The following CCDC78 variants were observed in gnomAD, a reference collection of about 807,000 sequenced individuals.
The protein encoded by CCDC78 is coiled-coil domain-containing protein 78.
CCDC78 carries 78 observed loss-of-function variants against 61.9 expected under a neutral mutation model. The ratio of observed to expected loss-of-function variants is 1.26; its 90% CI spans 1.05 to 1.52. CCDC78 has a LOEUF of 1.52. Ranked by LOEUF, CCDC78 falls within the 40% of genes most tolerant of loss-of-function variation. The pLI is 0.00. For missense variants in CCDC78, 737 were observed against 615.5 expected (o/e 1.20, Z -2.09); for synonymous variants, 287 against 251.9 (o/e 1.14, Z -1.32).
At chr16:726,451 C>G, upstream of CCDC78, 1 of 1,461,972 alleles carries the variant, frequency 6.8e-7, no homozygotes, top group South Asian at 1.3e-5. Context: ...ACTGGCACTG[C>G]TAAGTGCGTT....
chr16:726,453 A>T, upstream of CCDC78: 1 of 1,457,774 alleles, frequency 6.9e-7, no homozygotes, highest in Non-Finnish European at 9.1e-7. Context: ...TGGCACTGCT[A>T]AGTGCGTTGC....
At position 722,616 on chromosome 16, in the gene CCDC78, TG is replaced by T; in HGVS notation, c.*61del. The T allele has an allele frequency of 3.6e-6, 1 of 281,432 alleles. No individual in the cohort carries two copies. Among genetic ancestry groups the T allele is most frequent in the South Asian group, 2.3e-5 (1 of 43,326 alleles). 17.4% of individuals were successfully genotyped at this position (281,432 alleles called of 1,614,324 possible). A position where few individuals can be genotyped will look rare whatever the true frequency, so the allele number is the denominator to read the frequency against. On this transcript the variant is annotated 3_prime_UTR_variant, in exon 14 of 14. Transcript: ENST00000345165. Reference sequence around the variant, plus strand: ...TCCTGACTCATGTTTTATGGGGGGCTGGGTGGGAGGGTTCTGTGCTGGCTGA... The same window carrying T: ...TCCTGACTCATGTTTTATGGGGGGCTGGTGGGAGGGTTCTGTGCTGGCTGA...
Position 725,237 on chromosome 16 carries a change from G to T in CCDC78, c.492C>A (p.Gly164=). ...CTGAGCTAGGTGGCTGCACACTCAC[G>T]CCGCTCCCCAGCCTGTGCTGCTCAT... is the stretch of plus-strand genomic sequence containing the variant. The part of the protein sequence containing the change: ...PENEQHRLGS[G]LQGEVKWALE... Residue 164 remains glycine, a splice_region_variant and synonymous_variant, in exon 5 of 14, where the codon GGC becomes GGA. Transcript: ENST00000345165. 6.2e-7 allele frequency: 1 copy of T among 1,608,276 alleles called. No homozygotes were observed.
rs77707419 is a variant in CCDC78 at position 724,472 on chromosome 16, G to A, written c.803C>T (p.Thr268Met). Residue 268 changes from threonine (T) to methionine (M), a missense_variant, in exon 9 of 14, where the codon ACG becomes ATG. Transcript: ENST00000345165. The stretch of plus-strand genomic sequence containing the variant: ...CGCCTCCAGGAATGTCCGGAGGGCC[G>A]TGGTGGCTGGCGCTTGGCCTGCACC... Reference protein sequence around the residue: ...ADGAGQAPATTALRTFLEATL... With the variant: ...ADGAGQAPATMALRTFLEATL... 1,436 of 1,601,088 alleles carry A rather than the reference G, an allele frequency of 9.0e-4. 12 individuals carry two copies. The African/African-American group carries it at 0.015, about 17-fold the overall frequency.
In CCDC78 at chr16:724,665, C is replaced by T. The variant is rs375793651; in HGVS notation, c.765+16G>A. 6.2e-7 allele frequency: 1 copy of T among 1,606,966 alleles called. No individual in the cohort carries two copies. The highest frequency in any genetic ancestry group is 8.5e-7 in the Non-Finnish European group (1 of 1,179,198). On this transcript the variant is annotated intron_variant, in intron 8 of 13. Transcript: ENST00000345165. ...CTTGGGCTCCCTAGGCCTCAGGGTGCTCCTGCAGGGCTCACCACTGCCTGC... is the reference window on the plus strand; with the variant it reads ...CTTGGGCTCCCTAGGCCTCAGGGTGTTCCTGCAGGGCTCACCACTGCCTGC...
Position 725,799 on chromosome 16 carries a change from T to C in CCDC78, c.262A>G (p.Ser88Gly). ...QHEAEIFQLK[S>G]EILRLESRVL... ...TGGTTCACACGGCTGCTCACCTCAC[T>C]CTTCAGCTGGAAGATTTCAGCCTCA... The change falls in exon 3 of 14, where the codon AGT (serine) becomes GGT (glycine). Residue 88 changes from serine to glycine, a missense_variant. Coordinates refer to ENST00000345165, the MANE Select transcript of CCDC78 (RefSeq NM_001378030.1). The C allele has an allele frequency of 1.9e-6, 3 of 1,606,772 alleles. No homozygotes were observed. The highest frequency in any genetic ancestry group is 1.7e-6 in the Non-Finnish European group (2 of 1,176,594).
chr16:724,681 C>T lies in CCDC78; in HGVS notation c.765G>A (p.Val255=). The T allele has an allele frequency of 6.2e-7, 1 of 1,609,832 alleles. No individual in the cohort carries two copies. The highest frequency in any genetic ancestry group is 1.1e-5 in the South Asian group (1 of 90,820). Residue 255 remains valine, a splice_region_variant and synonymous_variant, in exon 8 of 14, where the codon GTG becomes GTA. Coordinates refer to ENST00000345165, the MANE Select transcript of CCDC78 (RefSeq NM_001378030.1). ...CTCAGGGTGCTCCTGCAGGGCTCAC[C>T]ACTGCCTGCCAGGCGCAGTGTTGCA... ...LRLQHCAWQA[V]EHADGAGQAP...
rs753039480 is a variant in CCDC78 at position 724,673 on chromosome 16, G to C, written c.765+8C>G. 46 of 1,608,558 alleles carry C rather than the reference G, an allele frequency of 2.9e-5. No homozygotes were observed. Among genetic ancestry groups the C allele is most frequent in the Non-Finnish European group, 3.1e-5 (37 of 1,179,480 alleles). The stretch of plus-strand genomic sequence containing the variant: ...CCCTAGGCCTCAGGGTGCTCCTGCA[G>C]GGCTCACCACTGCCTGCCAGGCGCA... On this transcript the variant is annotated splice_region_variant and intron_variant, in intron 8 of 13. Coordinates refer to ENST00000345165, the MANE Select transcript of CCDC78 (RefSeq NM_001378030.1).
At chr16:724,641 T>C (rs1317923802) in intron 8 of CCDC78, 40 bp downstream of exon 8, 2 of 1,597,506 alleles carry the variant, frequency 1.3e-6, no homozygotes, top group Admixed American at 1.7e-5. Flanking sequence ...CAGGCCAGGC[T>C]TGGGCTCCCT....
chr16:723,630 T>C (rs766455611), intron 11 of CCDC78: 1 of 696,760 alleles, frequency 1.4e-6, no homozygotes, highest in Non-Finnish European at 2.6e-6. Flanking sequence ...TCCTCCGTGT[T>C]CAAGGCCAGC....
chr16:725,446 C>T lies in CCDC78; in HGVS notation c.402G>A (p.Gln134=), dbSNP rs2040800013. The T allele has an allele frequency of 6.2e-7, 1 of 1,612,786 alleles. No individual in the cohort carries two copies. The highest frequency in any genetic ancestry group is 8.5e-7 in the Non-Finnish European group (1 of 1,179,966). ...TGTGGTCATCAGAGTGTCCAGGCAC[C>T]TGGGCTTTGTGTCTGAGCTCTTGGG... is the stretch of plus-strand genomic sequence containing the variant. ...AAAQELRHKA[Q]VPGHSDDHRF... is the part of the protein sequence containing the mutation. The change falls in exon 4 of 14, where the codon CAG becomes CAA. Residue 134 remains glutamine (Q), a synonymous_variant. Transcript: ENST00000345165.
At position 724,719 on chromosome 16, in the gene CCDC78, A is replaced by G. The variant is rs1270961509; in HGVS notation, c.727T>C (p.Tyr243His). The G allele has an allele frequency of 6.2e-7, 1 of 1,611,792 alleles. No homozygotes were observed. ...QLQLKKLKDEYVLRLQHCAWQ... is the reference protein window; with the variant it reads ...QLQLKKLKDEHVLRLQHCAWQ... ...GCGCAGTGTTGCAGCCGTAGGACGTACTCATCCTTCAGTTTCTTGAGCTGC... is the reference window on the plus strand; with the variant it reads ...GCGCAGTGTTGCAGCCGTAGGACGTGCTCATCCTTCAGTTTCTTGAGCTGC... Residue 243 changes from tyrosine (Y) to histidine (H), a missense_variant, in exon 8 of 14, where the codon TAC (tyrosine) becomes CAC (histidine). By Grantham distance (83) the Tyr-to-His change is moderately conservative. Coordinates refer to ENST00000345165, the MANE Select transcript of CCDC78 (RefSeq NM_001378030.1).
At chr16:722,861 C>T (rs764064368) in intron 13 of CCDC78, 61 bp downstream of exon 13, 1 of 1,607,966 alleles carries the variant, frequency 6.2e-7, no homozygotes, top group Admixed American at 1.7e-5. Flanking sequence ...CTGAGGCAGC[C>T]ATCATCCTTC....
In CCDC78 at chr16:722,936, G is replaced by A. The variant is rs1403494570; in HGVS notation, c.1287C>T (p.Asp429=). ...CCTCTGCCCACCTGCCCAGGTGCTGGTCCACGTACTCCTGTAGCTCAGAAA... is the reference window on the plus strand; with the variant it reads ...CCTCTGCCCACCTGCCCAGGTGCTGATCCACGTACTCCTGTAGCTCAGAAA... ...EQLSELQEYV[D]QHLGRYKHEI... Residue 429 remains aspartate, a synonymous_variant, in exon 13 of 14, where the codon GAC becomes GAT. Coordinates refer to ENST00000345165, the MANE Select transcript of CCDC78 (RefSeq NM_001378030.1). The A allele has an allele frequency of 6.2e-7, 1 of 1,612,234 alleles. No homozygotes were observed. The highest frequency in any genetic ancestry group is 1.7e-5 in the Admixed American group (1 of 60,020).
At position 724,115 on chromosome 16, in the gene CCDC78, C is replaced by T. The variant is rs1455517817; in HGVS notation, c.1044G>A (p.Arg348=). 3 of 1,594,546 alleles carry T rather than the reference C, an allele frequency of 1.9e-6. No homozygotes were observed. The highest frequency in any genetic ancestry group is 1.3e-5 in the African/African-American group (1 of 74,438). ...PVPLVTDFSH[R]EDQHGGPGAL... is the part of the protein sequence containing the mutation. ...GGGTCTCTAGCCTCACCTGGTCCTCCCGATGGCTGAAGTCAGTGACCAGGG... is the reference window on the plus strand; with the variant it reads ...GGGTCTCTAGCCTCACCTGGTCCTCTCGATGGCTGAAGTCAGTGACCAGGG... The change falls in exon 10 of 14, where the codon CGG becomes CGA. Residue 348 remains arginine (R), a synonymous_variant. Transcript: ENST00000345165.
At position 725,963 on chromosome 16, in the gene CCDC78, C is replaced by A. The variant is rs1483977509; in HGVS notation, c.180+3G>T. 6.4e-7 allele frequency: 1 copy of A among 1,557,968 alleles called. No individual in the cohort carries two copies. The highest frequency in any genetic ancestry group is 8.7e-7 in the Non-Finnish European group (1 of 1,150,660). Reference sequence around the variant, plus strand: ...CACGAGCACGCTGGGGCCCCACACCCACCTGCAGCTGCTGCTCCTTATTGA... The same window carrying A: ...CACGAGCACGCTGGGGCCCCACACCAACCTGCAGCTGCTGCTCCTTATTGA... On this transcript the variant is annotated splice_donor_region_variant and intron_variant, in intron 2 of 13. Transcript: ENST00000345165.
Position 723,960 on chromosome 16 carries a change from G to T in CCDC78, c.1054-24C>A, listed in dbSNP as rs762323383. On this transcript the variant is annotated intron_variant, in intron 10 of 13. Coordinates refer to ENST00000345165, the MANE Select transcript of CCDC78 (RefSeq NM_001378030.1). The stretch of plus-strand genomic sequence containing the variant: ...TGCTACAGAGGTTTGTGGTGGGGAC[G>T]TTTCAGTTGGCTGAACAAGGCAAGC... The T allele has an allele frequency of 1.9e-6, 3 of 1,589,574 alleles. No homozygotes were observed. The South Asian group carries it at 3.3e-5, about 18-fold the overall frequency.
At chr16:725,378 T>C in intron 4 of CCDC78, 35 bp downstream of exon 4, 1 of 1,611,844 alleles carries the variant, frequency 6.2e-7, no homozygotes, top group South Asian at 1.1e-5. Context: ...CCCTCTGGCC[T>C]TTCCCAGCCA....
In CCDC78 at chr16:723,558, G is replaced by A. The variant is rs11860108; in HGVS notation, c.1133+299C>T. 12,109 of 677,850 alleles carry A rather than the reference G, an allele frequency of 0.018. 1,072 individuals carry two copies. In the African/African-American group the frequency reaches 0.19, roughly 11 times the overall value. The allele number at this position is 677,850 out of a possible 1,614,324, so 42.0% of individuals were successfully genotyped here. A position where few individuals can be genotyped will look rare whatever the true frequency, so the allele number is the denominator to read the frequency against. ...GGCTGGCCCGGTCACCAGGCGCCCT[G>A]CTCCCACCCCTCGCGTCCTCCAGGT... On this transcript the variant is annotated intron_variant, in intron 11 of 13. Transcript: ENST00000345165.
Sources: gnomAD v4.1 joint callset for allele counts on GRCh38, gnomAD v4.1.1 for gene constraint, MANE v1.5 for transcripts, NCBI Gene and HGNC (gene_info 2026-07-23, HGNC 2026-07-21) for gene names.